MAN1C1: variants seen among roughly 807,000 people sequenced by gnomAD.
MAN1C1 encodes mannosidase alpha class 1C member 1.
MAN1C1 carries 49 observed loss-of-function variants against 71.5 expected under a neutral mutation model. The ratio of observed to expected loss-of-function variants is 0.69; its 90% CI spans 0.54 to 0.87. The LOEUF (loss-of-function observed/expected upper bound fraction) is 0.87. Ranked by LOEUF, MAN1C1 falls within the 40% of genes least tolerant of loss-of-function variation. The pLI is 0.00. For synonymous variants in MAN1C1, 352 were observed against 343.7 expected (o/e 1.02, Z -0.27); for missense variants, 743 against 835.0 (o/e 0.89, Z 1.36).
rs1053853423 is a variant in MAN1C1, at chr1:25,631,169, T to C, written c.540+12832T>C. On this transcript the variant is annotated intron_variant, in intron 1 of 11. Transcript: ENST00000374332. The surrounding 1 kb of genome is among the most constrained non-coding windows in gnomAD (Gnocchi z 4.2). Reference sequence around the variant, plus strand: ...TTTTAGAAGAGACGGGGTTTTGCCATGTTGCCCAGGCTGGTCTCAAACTCC... The same window carrying C: ...TTTTAGAAGAGACGGGGTTTTGCCACGTTGCCCAGGCTGGTCTCAAACTCC... 7.9e-5 allele frequency among the ~76,000 whole-genome samples: 12 copies of C among 152,112 alleles called. No homozygotes were observed. Among genetic ancestry groups the C allele is most frequent in the African/African-American group, 2.9e-4 (12 of 41,412 alleles).
intron 1 of MAN1C1, among the ~76,000 whole-genome samples, chr1:25,662,855 T>C (rs1358549176): frequency 6.6e-6 from 1 of 152,044 alleles, no homozygotes; most frequent in Non-Finnish European, 1.5e-5. Flanking sequence ...AGGTTAGGAG[T>C]TCGAGATAAG....
chr1:25,742,623 C>G (rs1374728884), intron 2 of MAN1C1, among the ~76,000 whole-genome samples: 1 of 152,196 alleles, frequency 6.6e-6, no homozygotes, highest in Admixed American at 6.5e-5. Context: ...CAGCCCTTGT[C>G]CATCAACCTA....
At chr1:25,665,516 A>G (rs2045910034) in intron 1 of MAN1C1, among the ~76,000 whole-genome samples, 1 of 152,178 alleles carries the variant, frequency 6.6e-6, no homozygotes, top group South Asian at 2.1e-4. Flanking sequence ...TTCTGCCATC[A>G]TCTTTGGATA....
intron 2 of MAN1C1, among the ~76,000 whole-genome samples, chr1:25,702,019 C>T (rs111954759): frequency 4.6e-5 from 7 of 152,208 alleles, no homozygotes; most frequent in South Asian, 2.1e-4. Flanking sequence ...TAGATCTCAC[C>T]GCGGCACTCC....
rs896928614 is a variant in MAN1C1, at chr1:25,735,229, C to G, written c.638-11439C>G. Among the ~76,000 whole-genome samples the G allele has an allele frequency of 3.3e-5, 5 of 152,132 alleles. No homozygotes were observed. Among genetic ancestry groups the G allele is most frequent in the Admixed American group, 2.6e-4 (4 of 15,270 alleles). On this transcript the variant is annotated intron_variant, in intron 2 of 11. Transcript: ENST00000374332. This position sits in a 1 kb window ranked among gnomAD's most constrained non-coding sequence, Gnocchi z 4.6. ...GGCCAGGAGTTTGAGACAAGCCTGGCCAACATGGCGAATCCCCACCTCTGC... is the reference window on the plus strand; with the variant it reads ...GGCCAGGAGTTTGAGACAAGCCTGGGCAACATGGCGAATCCCCACCTCTGC...
intron 1 of MAN1C1, among the ~76,000 whole-genome samples, chr1:25,682,277 A>G (rs2046165790): frequency 1.3e-5 from 2 of 152,208 alleles, no homozygotes; most frequent in Admixed American, 6.5e-5. Flanking sequence ...AGGCAGACAC[A>G]CGTGTTGAAT....
At chr1:25,673,848 C>A (rs141256203) in intron 1 of MAN1C1, among the ~76,000 whole-genome samples, 72 of 152,348 alleles carry the variant, frequency 4.7e-4, no homozygotes, top group Admixed American at 1.1e-3. Context: ...CCCTGCCTAA[C>A]TCACAGGTGA....
intron 8 of MAN1C1, among the ~76,000 whole-genome samples, chr1:25,773,775 G>A (rs1230060863): frequency 1.3e-5 from 2 of 152,210 alleles, no homozygotes; most frequent in Admixed American, 1.3e-4. Flanking sequence ...AATAGAAGAG[G>A]CTTTGCTCTC....
intron 1 of MAN1C1, among the ~76,000 whole-genome samples, chr1:25,680,295 T>C (rs1241716647): frequency 1.3e-5 from 2 of 152,146 alleles, no homozygotes; most frequent in Non-Finnish European, 2.9e-5. Flanking sequence ...ACTCCTGGCC[T>C]CAGATGATCC....
At chr1:25,728,414 G>A (rs185232251) in intron 2 of MAN1C1, among the ~76,000 whole-genome samples, 1 of 152,326 alleles carries the variant, frequency 6.6e-6, no homozygotes, top group East Asian at 1.9e-4. Flanking sequence ...GAGAGAAACA[G>A]GCTCAGGGAG....
chr1:25,681,333 G>A (rs1286449059), intron 1 of MAN1C1, among the ~76,000 whole-genome samples: 1 of 152,194 alleles, frequency 6.6e-6, no homozygotes, highest in African/African-American at 2.4e-5. Context: ...ACCAGGTGCA[G>A]GCTTCCAAGA....
At chr1:25,672,614 A>G (rs2046007688) in intron 1 of MAN1C1, among the ~76,000 whole-genome samples, 1 of 152,050 alleles carries the variant, frequency 6.6e-6, no homozygotes, top group South Asian at 2.1e-4. Flanking sequence ...GACCCTTCTG[A>G]TTGTACTGGG....
At position 25,746,831 on chromosome 1, in the gene MAN1C1, GC is replaced by G. The variant is rs374683125; in HGVS notation, c.753+51del. ...GGGAGGGGGGCGGGGGCCAGAAGAG[GC>G]CCAACAGCCAGCTTCACCCTGTCAT... is the stretch of plus-strand genomic sequence containing the variant. On this transcript the variant is annotated intron_variant, in intron 3 of 11. Coordinates refer to ENST00000374332, the MANE Select transcript of MAN1C1 (RefSeq NM_020379.4). This position sits in a 1 kb window ranked among gnomAD's most constrained non-coding sequence, Gnocchi z 4.0. 72 of 1,234,752 alleles carry G rather than the reference GC, an allele frequency of 5.8e-5. No homozygotes were observed. Among genetic ancestry groups the G allele is most frequent in the Admixed American group, 2.2e-4 (11 of 50,256 alleles). The allele number at this position is 1,234,752 out of a possible 1,614,324, so 76.5% of individuals were successfully genotyped here.
chr1:25,670,490 A>G (rs561628211), intron 1 of MAN1C1, among the ~76,000 whole-genome samples: 60 of 152,318 alleles, frequency 3.9e-4, no homozygotes, highest in Admixed American at 3.7e-3. Context: ...TAGCAGACTG[A>G]GCCTTCAGGG....
intron 4 of MAN1C1, 97 bp downstream of exon 4, chr1:25,749,432 A>C (rs1024574877): frequency 9.0e-7 from 1 of 1,108,454 alleles, no homozygotes; most frequent in Non-Finnish European, 1.3e-6. Context: ...GGGAAAAGGG[A>C]CTTAAGGGGG....
In MAN1C1 at chr1:25,752,386, C is replaced by T. The variant is rs569988190; in HGVS notation, c.835-1098C>T. 5.3e-5 allele frequency among the ~76,000 whole-genome samples: 8 copies of T among 152,202 alleles called. No individual in the cohort carries two copies. The South Asian group carries it at 8.3e-4, about 16-fold the overall frequency. ...TTCACCATGTTGGCCAGGATGGTCT[C>T]GAACTCCTGACCTCAGGTGATCCAC... On this transcript the variant is annotated intron_variant, in intron 4 of 11. Transcript: ENST00000374332.
rs1460244808 is a variant in MAN1C1, at chr1:25,732,676, C to G, written c.638-13992C>G. Among the ~76,000 whole-genome samples, 6 of 152,262 alleles carry G rather than the reference C, an allele frequency of 3.9e-5. No individual in the cohort carries two copies. The East Asian group carries it at 1.2e-3, about 29-fold the overall frequency. ...CTGAGGCAGCTAGTAAGTGGTGGAT[C>G]CAAGCGTGGGTTTCCAGGACTCAAC... is the stretch of plus-strand genomic sequence containing the variant. On this transcript the variant is annotated intron_variant, in intron 2 of 11. Transcript: ENST00000374332.
In MAN1C1 at chr1:25,746,331, A is replaced by G. The variant is rs1374453245; in HGVS notation, c.638-337A>G. On this transcript the variant is annotated intron_variant, in intron 2 of 11. Transcript: ENST00000374332. The surrounding 1 kb of genome is among the most constrained non-coding windows in gnomAD (Gnocchi z 4.0). ...AAAACAAACAAACAAAGATTTTTAT[A>G]TGCCAAAGCAGAGAAAAGTGGGTGG... 6.6e-6 allele frequency among the ~76,000 whole-genome samples: 1 copy of G among 152,230 alleles called. No homozygotes were observed. Among genetic ancestry groups the G allele is most frequent in the Non-Finnish European group, 1.5e-5 (1 of 68,034 alleles).
In MAN1C1 at chr1:25,783,900, C is replaced by T; in HGVS notation, c.*111C>T. On this transcript the variant is annotated 3_prime_UTR_variant, in exon 12 of 12. Transcript: ENST00000374332. ...CGAAGGCCCCATCTCGGGCAGACCC[C>T]CAGCAGATGTGTCGGACAAGCAACT... The T allele has an allele frequency of 7.2e-7, 1 of 1,380,660 alleles. No homozygotes were observed. Among genetic ancestry groups the T allele is most frequent in the Non-Finnish European group, 9.7e-7 (1 of 1,030,232 alleles). The allele number at this position is 1,380,660 out of a possible 1,614,324, so 85.5% of individuals were successfully genotyped here.
Sources: allele counts gnomAD v4.1 joint callset (sites outside exome capture counted in the v4.1 genomes callset), GRCh38; gene constraint gnomAD v4.1.1; non-coding constraint Gnocchi (gnomAD v3.1); transcripts MANE v1.5; gene names NCBI Gene and HGNC (gene_info 2026-07-23, HGNC 2026-07-21).